Variants in PPP1R12B observed in about 807,000 individuals in gnomAD.
The protein encoded by PPP1R12B is protein phosphatase 1 regulatory subunit 12B, also known as myosin phosphatase target subunit 2.
PPP1R12B carries 76 observed loss-of-function variants against 126.1 expected under a neutral mutation model. The observed-to-expected ratio is 0.60, with a 90% CI of 0.50 to 0.73. The LOEUF is 0.73. Ranked by LOEUF, PPP1R12B falls within the 30% of genes least tolerant of loss-of-function variation. PPP1R12B has a pLI of 0.00. For synonymous variants in PPP1R12B, 356 were observed against 434.7 expected, an observed-to-expected ratio of 0.82 and a Z score of 2.25; for missense variants, 1,052 against 1,205.1, an observed-to-expected ratio of 0.87 and a Z score of 1.88.
chr1:202,392,192 T>C (rs1664234560), intron 1 of PPP1R12B, among the ~76,000 whole-genome samples: 1 of 152,080 alleles, frequency 6.6e-6, no homozygotes, highest in African/African-American at 2.4e-5. Context: ...AAAATGTTAA[T>C]GGCAGCATTA....
chr1:202,558,297 CTT>C (rs753434842), intron 18 of PPP1R12B, among the ~76,000 whole-genome samples: 1 of 145,674 alleles, frequency 6.9e-6, no homozygotes, highest in African/African-American at 2.5e-5. Context: ...AGAGTACCTA[CTT>C]TTTTTTTTTT....
intron 12 of PPP1R12B, among the ~76,000 whole-genome samples, chr1:202,443,984 C>T (rs1281888069): frequency 2.6e-5 from 4 of 152,224 alleles, no homozygotes. Flanking sequence ...AAAAGATGTA[C>T]AACTTGCTTC....
chr1:202,493,459 C>A, intron 15 of PPP1R12B, 142 bp downstream of exon 15: 2 of 920,722 alleles, frequency 2.2e-6, no homozygotes, highest in Middle Eastern at 3.5e-4. Context: ...AGTTTGCAAA[C>A]CTGTGTGACA....
chr1:202,567,351 C>T (rs913579175), intron 21 of PPP1R12B: 6 of 156,722 alleles, frequency 3.8e-5, no homozygotes, highest in Non-Finnish European at 5.6e-5. Flanking sequence ...CATTCTCGCT[C>T]AGGAGTTGCC....
chr1:202,550,757 C>T (rs1686222661), intron 18 of PPP1R12B, among the ~76,000 whole-genome samples: 1 of 152,214 alleles, frequency 6.6e-6, no homozygotes, highest in Non-Finnish European at 1.5e-5. Flanking sequence ...CTATATAGTA[C>T]ACAGCATGTG....
intron 20 of PPP1R12B, among the ~76,000 whole-genome samples, 155 bp downstream of exon 20, chr1:202,563,077 C>G (rs917153649): frequency 6.6e-6 from 1 of 152,148 alleles, no homozygotes; most frequent in Non-Finnish European, 1.5e-5. Flanking sequence ...GTTTACTTCA[C>G]CTCTCCAAAA....
chr1:202,577,595 G>GA (rs1689206109), intron 23 of PPP1R12B, among the ~76,000 whole-genome samples: 2 of 151,372 alleles, frequency 1.3e-5, no homozygotes, highest in South Asian at 4.2e-4. Context: ...TAGTTCCCTG[G>GA]AAAAATCATC....
At chr1:202,422,851 G>T in intron 3 of PPP1R12B, 113 bp downstream of exon 3, 1 of 1,480,336 alleles carries the variant, frequency 6.8e-7, no homozygotes. Context: ...GAGAGGATTT[G>T]ATCTGTCTGC....
chr1:202,420,967 C>CTTTTTTTTTTTTT lies in PPP1R12B; in HGVS notation c.423-1644_423-1632dup, dbSNP rs56164548. ...CTATTGATTCTTTTCCCTCTGCCAACTTTTTTTTTTTTTTTTTTTTTGAGA... is the reference window on the plus strand; with the variant it reads ...CTATTGATTCTTTTCCCTCTGCCAACTTTTTTTTTTTTTTTTTTTTTTTTTTTTTTTTTTGAGA... On this transcript the variant is annotated intron_variant, in intron 2 of 23. Transcript: ENST00000608999. Among the ~76,000 whole-genome samples, 149 of 118,516 alleles carry CTTTTTTTTTTTTT rather than the reference C, an allele frequency of 1.3e-3. 10 individuals are homozygous for CTTTTTTTTTTTTT. Among genetic ancestry groups the CTTTTTTTTTTTTT allele is most frequent in the African/African-American group, 4.4e-3 (131 of 29,464 alleles). 77.8% of individuals were successfully genotyped at this position (118,516 alleles called of 152,430 possible).
chr1:202,500,862 A>T (rs1680153301), intron 18 of PPP1R12B, among the ~76,000 whole-genome samples: 1 of 152,222 alleles, frequency 6.6e-6, no homozygotes, highest in Non-Finnish European at 1.5e-5. Flanking sequence ...CATCAATTTA[A>T]AATTTTTAAA....
intron 20 of PPP1R12B, among the ~76,000 whole-genome samples, chr1:202,563,877 G>A (rs1463432525): frequency 3.9e-5 from 6 of 152,038 alleles, no homozygotes; most frequent in African/African-American, 1.2e-4. Context: ...AGACCAGCCT[G>A]GGCAATATAG....
At chr1:202,520,764 A>G (rs1682693107) in intron 18 of PPP1R12B, among the ~76,000 whole-genome samples, 1 of 152,218 alleles carries the variant, frequency 6.6e-6, no homozygotes, top group African/African-American at 2.4e-5. Flanking sequence ...ATACTCCTGA[A>G]TCTTATTCCT....
At chr1:202,352,925 A>G (rs115709447) in intron 1 of PPP1R12B, among the ~76,000 whole-genome samples, 184 of 152,030 alleles carry the variant, frequency 1.2e-3, no homozygotes, top group African/African-American at 4.3e-3. Flanking sequence ...CTGTCTTTGT[A>G]ATGTGCAGGG....
At chr1:202,486,138 T>G (rs1304440285) in intron 13 of PPP1R12B, among the ~76,000 whole-genome samples, 5 of 152,280 alleles carry the variant, frequency 3.3e-5, no homozygotes, top group African/African-American at 1.2e-4. Flanking sequence ...CGCCTGGGCC[T>G]CCCAAAGTGT....
At chr1:202,358,064 G>A (rs1657439277) in intron 1 of PPP1R12B, among the ~76,000 whole-genome samples, 1 of 152,114 alleles carries the variant, frequency 6.6e-6, no homozygotes, top group African/African-American at 2.4e-5. Flanking sequence ...CTCTAAGATG[G>A]TGAAATATGG....
intron 1 of PPP1R12B, among the ~76,000 whole-genome samples, chr1:202,414,967 G>C (rs1282128494): frequency 6.6e-6 from 1 of 151,952 alleles, no homozygotes; most frequent in Non-Finnish European, 1.5e-5. Flanking sequence ...TTTTTTTGCA[G>C]AGATGGGGTC....
chr1:202,568,287 C>T (rs1385710157), intron 22 of PPP1R12B, among the ~76,000 whole-genome samples: 1 of 152,140 alleles, frequency 6.6e-6, no homozygotes, highest in East Asian at 1.9e-4. Context: ...CGACTTGAAA[C>T]ATGAGCCAAC....
In PPP1R12B at chr1:202,508,601, A is replaced by G. The variant is rs1179326814; in HGVS notation, c.2490+11779A>G. Among the ~76,000 whole-genome samples the G allele has an allele frequency of 6.6e-6, 1 of 152,238 alleles. No individual in the cohort carries two copies. The highest frequency in any genetic ancestry group is 2.4e-5 in the African/African-American group (1 of 41,462). On this transcript the variant is annotated intron_variant, in intron 18 of 23. Transcript: ENST00000608999. This position sits in a 1 kb window ranked among gnomAD's most constrained non-coding sequence, Gnocchi z 4.5. Reference sequence around the variant, plus strand: ...ATTATGTCACCAAATAAAACATTGTATACTTTAAGATGGCATTTTAGGAGT... The same window carrying G: ...ATTATGTCACCAAATAAAACATTGTGTACTTTAAGATGGCATTTTAGGAGT...
intron 6 of PPP1R12B, among the ~76,000 whole-genome samples, chr1:202,430,186 A>C (rs1439716518): frequency 6.6e-6 from 1 of 152,200 alleles, no homozygotes; most frequent in East Asian, 1.9e-4. Context: ...CTAGCATGGT[A>C]AGGTTTTTGA....
Sources: allele counts gnomAD v4.1 joint callset (sites outside exome capture counted in the v4.1 genomes callset), GRCh38; gene constraint gnomAD v4.1.1; non-coding constraint Gnocchi (gnomAD v3.1); transcripts MANE v1.5; gene names NCBI Gene and HGNC (gene_info 2026-07-23, HGNC 2026-07-21).